UGT1A5: variants seen among roughly 807,000 people sequenced by gnomAD.
UGT1A5 encodes the protein UDP glucuronosyltransferase family 1 member A5.
Under a neutral mutation model 40.3 loss-of-function variants are expected in UGT1A5, and 29 were observed. The observed-to-expected ratio is 0.72, with a 90% CI of 0.54 to 0.98. The LOEUF is 0.98. Ranked by LOEUF, UGT1A5 falls within the 50% of genes least tolerant of loss-of-function variation. The probability of loss-of-function intolerance (pLI) is 0.00; values close to 1 mark genes in which losing one functional copy is unlikely to be tolerated. For synonymous variants in UGT1A5, 257 were observed against 262.5 expected (o/e 0.98, Z 0.20); for missense variants, 678 against 677.9 (o/e 1.00, Z 0.00).
chr2:233,769,864 A>C lies in UGT1A5; in HGVS notation c.1307+1425A>C, dbSNP rs2126048970. On this transcript the variant is annotated intron_variant, in intron 4 of 4. Transcript: ENST00000373414. The surrounding 1 kb of genome is among the most constrained non-coding windows in gnomAD (Gnocchi z 4.4). ...CAGAGTGAGACCCTGTCTCAAAAAA[A>C]AAAAAAAAAATGAAAAGTCCACATA... 6.3e-6 allele frequency: 3 copies of C among 472,760 alleles called. No homozygotes were observed. The highest frequency in any genetic ancestry group is 3.9e-5 in the South Asian group (1 of 25,612). The allele number at this position is 472,760 out of a possible 1,614,324, so 29.3% of individuals were successfully genotyped here. A position where few individuals can be genotyped will look rare whatever the true frequency, so the allele number is the denominator to read the frequency against.
At chr2:233,757,303 G>A (rs1346705101) in intron 1 of UGT1A5, among the ~76,000 whole-genome samples, 3 of 111,204 alleles carry the variant, frequency 2.7e-5, no homozygotes, top group African/African-American at 6.7e-5. Flanking sequence ...GGGGTTGGGG[G>A]ACAGGGGGGC....
chr2:233,718,979 C>T (rs143900667), intron 1 of UGT1A5: 39 of 1,614,108 alleles, frequency 2.4e-5, no homozygotes, highest in Non-Finnish European at 3.2e-5. Flanking sequence ...AGCTCCATGC[C>T]AGAGGCCACC....
chr2:233,744,393 C>T (rs17864702), intron 1 of UGT1A5, among the ~76,000 whole-genome samples: 2,182 of 151,914 alleles, frequency 0.014, 41 homozygotes, highest in South Asian at 0.024. Context: ...GTTCCAGCCC[C>T]GGTGCCCATT....
At chr2:233,757,247 G>C (rs1244146616) in intron 1 of UGT1A5, among the ~76,000 whole-genome samples, 2 of 143,632 alleles carry the variant, frequency 1.4e-5, no homozygotes. Flanking sequence ...GGTGAGGTGG[G>C]GTTATTCAGG....
At chr2:233,747,788 C>A in intron 1 of UGT1A5, 1 of 1,613,516 alleles carries the variant, frequency 6.2e-7, no homozygotes. Context: ...ATCCTTCCTC[C>A]TATATTCCTA....
chr2:233,720,624 T>C lies in UGT1A5; in HGVS notation c.867+6766T>C, dbSNP rs562222860. Among the ~76,000 whole-genome samples, 6 of 152,258 alleles carry C rather than the reference T, an allele frequency of 3.9e-5. No individual in the cohort carries two copies. The South Asian group carries it at 1.2e-3, about 32-fold the overall frequency. On this transcript the variant is annotated intron_variant, in intron 1 of 4. Coordinates refer to ENST00000373414, the MANE Select transcript of UGT1A5 (RefSeq NM_019078.2). ...ATTAATACAGAATATTTGGGTTTCATTGAAATAGTACTCTGGGATGTGAAA... is the reference window on the plus strand; with the variant it reads ...ATTAATACAGAATATTTGGGTTTCACTGAAATAGTACTCTGGGATGTGAAA...
intron 1 of UGT1A5, among the ~76,000 whole-genome samples, chr2:233,720,787 C>T (rs369291144): frequency 6.6e-5 from 10 of 151,230 alleles, no homozygotes; most frequent in South Asian, 4.2e-4. Flanking sequence ...CTCACTGCAA[C>T]CTTCACCTCC....
intron 1 of UGT1A5, among the ~76,000 whole-genome samples, chr2:233,744,523 C>A (rs2125863777): frequency 6.6e-6 from 1 of 152,020 alleles, no homozygotes; most frequent in Non-Finnish European, 1.5e-5. Context: ...AATAGCAAAT[C>A]TTATTTTTAT....
At chr2:233,724,425 G>C (rs1323206550) in intron 1 of UGT1A5, among the ~76,000 whole-genome samples, 9 of 126,856 alleles carry the variant, frequency 7.1e-5, no homozygotes, top group Admixed American at 1.5e-4. Context: ...CGGGCGGAGA[G>C]GCTCCTCACT....
At chr2:233,718,883 T>C in intron 1 of UGT1A5, 2 of 1,613,952 alleles carry the variant, frequency 1.2e-6, no homozygotes, top group Non-Finnish European at 1.7e-6. Flanking sequence ...TCCTCCTCAG[T>C]GTCCAGCCCT....
chr2:233,772,862 C>A lies in UGT1A5; in HGVS notation c.*303C>A. 1 of 682,608 alleles carries A rather than the reference C, an allele frequency of 1.5e-6. No homozygotes were observed. The highest frequency in any genetic ancestry group is 2.2e-6 in the Non-Finnish European group (1 of 464,492). 42.3% of individuals were successfully genotyped at this position (682,608 alleles called of 1,614,324 possible). A position where few individuals can be genotyped will look rare whatever the true frequency, so the allele number is the denominator to read the frequency against. On this transcript the variant is annotated 3_prime_UTR_variant, in exon 5 of 5. Coordinates refer to ENST00000373414, the MANE Select transcript of UGT1A5 (RefSeq NM_019078.2). ...TTACTTTTCTTACTCTGAAACATGGCCTGTTTGGGAGTGCGGGATTCAAAG... is the reference window on the plus strand; with the variant it reads ...TTACTTTTCTTACTCTGAAACATGGACTGTTTGGGAGTGCGGGATTCAAAG...
chr2:233,755,959 G>C (rs2125939484), intron 1 of UGT1A5: 1 of 152,196 alleles, frequency 6.6e-6, no homozygotes, highest in East Asian at 1.9e-4. Flanking sequence ...TTTAGTACTT[G>C]GCTCTATAGA....
chr2:233,713,977 C>T, intron 1 of UGT1A5, 119 bp downstream of exon 1: 3 of 1,595,304 alleles, frequency 1.9e-6, no homozygotes, highest in East Asian at 2.2e-5. Context: ...TTCTGCTTCT[C>T]ATTGTTGTAA....
chr2:233,752,699 G>C (rs1695036146), intron 1 of UGT1A5, among the ~76,000 whole-genome samples: 3 of 152,058 alleles, frequency 2.0e-5, no homozygotes, highest in Non-Finnish European at 4.4e-5. Flanking sequence ...TTACTAGTGG[G>C]GTATGATCTT....
chr2:233,766,877 C>G (rs3213726), intron 1 of UGT1A5, among the ~76,000 whole-genome samples, 157 bp from the exon 2 acceptor site: 1 of 152,336 alleles, frequency 6.6e-6, no homozygotes, highest in Non-Finnish European at 1.5e-5. Context: ...GAGGAAAATG[C>G]TGTAAAACTT....
intron 1 of UGT1A5, chr2:233,719,318 G>T: frequency 6.2e-7 from 1 of 1,613,954 alleles, no homozygotes; most frequent in Non-Finnish European, 8.5e-7. Flanking sequence ...AGTACCTGTC[G>T]ATTCCTGCTG....
chr2:233,771,027 G>T (rs186703216), intron 4 of UGT1A5: 5 of 152,078 alleles, frequency 3.3e-5, no homozygotes, highest in Admixed American at 1.3e-4. Flanking sequence ...GAGAGAGTTG[G>T]GGGGGAAGGT....
chr2:233,729,197 C>A, intron 1 of UGT1A5: 1 of 1,614,002 alleles, frequency 6.2e-7, no homozygotes, highest in Non-Finnish European at 8.5e-7. Context: ...AGTGTCCAGC[C>A]CTGGGCTGAG....
chr2:233,747,183 G>A (rs1016025766), intron 1 of UGT1A5: 1 of 1,602,336 alleles, frequency 6.2e-7, no homozygotes, highest in South Asian at 1.1e-5. Flanking sequence ...AGCGTGGGGT[G>A]GACAGTCAGC....
Sources: gnomAD v4.1 joint callset for allele counts (sites outside exome capture counted in the v4.1 genomes callset) on GRCh38, gnomAD v4.1.1 for gene constraint, Gnocchi (gnomAD v3.1) non-coding constraint, MANE v1.5 for transcripts, NCBI Gene and HGNC (gene_info 2026-07-23, HGNC 2026-07-21) for gene names.